ZNF75D: variants seen among roughly 807,000 people sequenced by gnomAD.
ZNF75D encodes the protein zinc finger protein 75D, also known as zinc finger protein 75.
Under a neutral mutation model 33.3 loss-of-function variants are expected in ZNF75D, and 33 were observed. The observed-to-expected ratio is 0.99, with a 90% CI of 0.75 to 1.32. ZNF75D has a LOEUF of 1.32. ZNF75D is among the 40% of genes most tolerant of loss of function. ZNF75D has a pLI of 0.00. For synonymous variants in ZNF75D, 113 were observed against 130.6 expected, an observed-to-expected ratio of 0.87 and a Z score of 0.92; for missense variants, 338 against 367.5, an observed-to-expected ratio of 0.92 and a Z score of 0.66.
intron 1 of ZNF75D, among the ~76,000 whole-genome samples, chrX:135,320,817 G>A (rs2084486055): frequency 9.0e-6 from 1 of 110,832 alleles, no homozygotes; most frequent in South Asian, 3.8e-4. Flanking sequence ...GATTTGTTTG[G>A]TTATTTTTCT....
At chrX:135,319,307 T>C (rs782057694) in intron 1 of ZNF75D, among the ~76,000 whole-genome samples, 74 of 112,000 alleles carry the variant, frequency 6.6e-4, no homozygotes, top group African/African-American at 2.1e-3. Context: ...AAAGTACTTA[T>C]GTTCTTCTAA....
At chrX:135,309,949 C>T (rs1241862025) in intron 1 of ZNF75D, among the ~76,000 whole-genome samples, 3 of 111,663 alleles carry the variant, frequency 2.7e-5, no homozygotes, top group Non-Finnish European at 5.6e-5. Context: ...TCTCCCCCAT[C>T]AATCTGAAAA....
intron 1 of ZNF75D, among the ~76,000 whole-genome samples, chrX:135,260,421 T>C (rs2083834237): frequency 1.1e-5 from 1 of 93,783 alleles, no homozygotes; most frequent in Non-Finnish European, 2.5e-5. Flanking sequence ...ATCCGTCTGG[T>C]CCTGGCCTTT....
At chrX:135,330,535 T>C (rs909681762) in intron 1 of ZNF75D, 1 of 111,943 alleles carries the variant, frequency 8.9e-6, no homozygotes, top group Non-Finnish European at 1.9e-5. Context: ...CTGAGTTTTT[T>C]ACTCGGTAGA....
chrX:135,269,268 A>T (rs2083873776), intron 1 of ZNF75D, among the ~76,000 whole-genome samples: 1 of 111,813 alleles, frequency 8.9e-6, no homozygotes, highest in South Asian at 3.7e-4. Context: ...ATCAAGTGAA[A>T]AACCTTCTGC....
Position 135,259,617 on chromosome X carries a change from T to G in ZNF75D, n.828-3840A>C, listed in dbSNP as rs782496877. Among the ~76,000 whole-genome samples the G allele has an allele frequency of 2.7e-5, 3 of 111,939 alleles. No homozygotes were observed. In the East Asian group the frequency reaches 8.4e-4, roughly 31 times the overall value. On this transcript the variant is annotated intron_variant and non_coding_transcript_variant, in intron 1 of 3. Transcript: ENST00000494295. ...TGTTTGTCTTAATGGTGTATAGGAA[T>G]GCTTGTGAGTTTTGCACATTGATTT...
At chrX:135,274,819 T>C (rs1439629756) in intron 1 of ZNF75D, among the ~76,000 whole-genome samples, 2 of 111,970 alleles carry the variant, frequency 1.8e-5, no homozygotes, top group Non-Finnish European at 3.8e-5. Flanking sequence ...GGCTGTGATA[T>C]GGTGAAATAT....
Position 135,287,612 on chromosome X carries a change from T to G in ZNF75D, c.1058A>C (p.Asp353Ala), listed in dbSNP as rs2083973468. 8.3e-7 allele frequency: 1 copy of G among 1,209,224 alleles called. No individual in the cohort carries two copies. The highest frequency in any genetic ancestry group is 2.2e-5 in the Admixed American group (1 of 45,530). The change falls in exon 7 of 7, where the codon GAT (aspartate) becomes GCT (alanine). Residue 353 changes from aspartate (D) to alanine (A), a missense_variant. Physicochemically the swap from Asp to Ala is moderately radical, Grantham distance 126. Around this residue, in one of 3 missense-constraint regions of ZNF75D, gnomAD observed 254 missense variants for 267.7 expected, o/e 0.95. Coordinates refer to ENST00000370766, the MANE Select transcript of ZNF75D (RefSeq NM_007131.5). ...CCCTGTGGGGCCTTTCCCATGAAGA[T>G]CCATAAGTTTTGGAAGCTCTTGTTT... Reference protein sequence around the residue: ...TCKQELPKLMDLHGKGPTGEK... With the variant: ...TCKQELPKLMALHGKGPTGEK...
chrX:135,340,212 G>A (rs1199512903), intron 1 of ZNF75D, among the ~76,000 whole-genome samples: 4 of 112,155 alleles, frequency 3.6e-5, no homozygotes, highest in African/African-American at 1.3e-4. Flanking sequence ...TGGAAAAACT[G>A]TTCAGTAAAC....
intron 1 of ZNF75D, among the ~76,000 whole-genome samples, chrX:135,311,835 C>T (rs1191696489): frequency 9.0e-6 from 1 of 110,804 alleles, no homozygotes; most frequent in Non-Finnish European, 1.9e-5. Flanking sequence ...CAAAATGTCC[C>T]CTAGGTCCAT....
Position 135,344,028 on chromosome X carries a change from C to G in ZNF75D, c.-2651G>C, listed in dbSNP as rs1556446543. 1 of 112,479 alleles carries G rather than the reference C, an allele frequency of 8.9e-6. No homozygotes were observed. Among genetic ancestry groups the G allele is most frequent in the Non-Finnish European group, 1.9e-5 (1 of 53,269 alleles). The allele number at this position is 112,479 out of a possible 1,213,427, so 9.3% of individuals were successfully genotyped here. A position where few individuals can be genotyped will look rare whatever the true frequency, so the allele number is the denominator to read the frequency against. On this transcript the variant is annotated 5_prime_UTR_variant, in exon 1 of 7. Coordinates refer to ENST00000370766, the MANE Select transcript of ZNF75D (RefSeq NM_007131.5). ...AGCACGGAAGTTTGGCGTCCACAGACCAATTTGTCAGCTTAGGACCAACGT... is the reference window on the plus strand; with the variant it reads ...AGCACGGAAGTTTGGCGTCCACAGAGCAATTTGTCAGCTTAGGACCAACGT...
chrX:135,293,806 T>C lies in ZNF75D; in HGVS notation c.335A>G (p.His112Arg). 8.3e-7 allele frequency: 1 copy of C among 1,208,645 alleles called. No individual in the cohort carries two copies. The highest frequency in any genetic ancestry group is 1.1e-6 in the Non-Finnish European group (1 of 892,944). Residue 112 changes from histidine (H) to arginine (R), a missense_variant, in exon 3 of 7, where the codon CAT becomes CGT. Around this residue, in one of 3 missense-constraint regions of ZNF75D, gnomAD observed 254 missense variants for 267.7 expected, o/e 0.95. Transcript: ENST00000370766. ...AGCCTGTTTGACATTCTGTGGATGATGCTTCTGCACCCAGTTCTGGGTCTC... is the reference window on the plus strand; with the variant it reads ...AGCCTGTTTGACATTCTGTGGATGACGCTTCTGCACCCAGTTCTGGGTCTC... ...PKETQNWVQK[H>R]HPQNVKQALV... is the part of the protein sequence containing the mutation.
In ZNF75D at chrX:135,294,115, T is replaced by G. The variant is rs201401715; in HGVS notation, c.26A>C (p.Asp9Ala). The G allele has an allele frequency of 8.4e-7, 1 of 1,196,953 alleles. No homozygotes were observed. Among genetic ancestry groups the G allele is most frequent in the Non-Finnish European group, 1.1e-6 (1 of 889,070 alleles). Reference protein sequence around the residue: MAMRELNADSCSSPQMGAM... With the variant: MAMRELNAASCSSPQMGAM... ...CCCCATCTGGGGGCTTGAGCATGAA[T>G]CCGCGTTCAGCTCTCTCATCGCCAT... The change falls in exon 3 of 7, where the codon GAT (aspartate) becomes GCT (alanine). Residue 9 changes from aspartate to alanine, a missense_variant. This residue lies in a region of ZNF75D where 254 missense variants were observed against 267.7 expected (regional missense o/e 0.95). Coordinates refer to ENST00000370766, the MANE Select transcript of ZNF75D (RefSeq NM_007131.5).
chrX:135,339,118 G>A (rs2084752610), intron 1 of ZNF75D, among the ~76,000 whole-genome samples: 1 of 110,799 alleles, frequency 9.0e-6, no homozygotes, highest in Non-Finnish European at 1.9e-5. Context: ...CAGCAAGGAG[G>A]ATGGGCCTGT....
At chrX:135,273,167 A>G (rs188348882) in intron 1 of ZNF75D, among the ~76,000 whole-genome samples, 10 of 111,157 alleles carry the variant, frequency 9.0e-5, no homozygotes, top group African/African-American at 2.9e-4. Context: ...CATACAGGGG[A>G]ATATCTCCCT....
rs2083961840 is a variant in ZNF75D at position 135,286,940 on chromosome X, C to T, written c.*197G>A. ...CTTTCATTTTTTTATTTATAAAGTA[C>T]TCCTTATGTATCAACTCTTGTGCTA... On this transcript the variant is annotated 3_prime_UTR_variant, in exon 7 of 7. Coordinates refer to ENST00000370766, the MANE Select transcript of ZNF75D (RefSeq NM_007131.5). 2 of 412,189 alleles carry T rather than the reference C, an allele frequency of 4.9e-6. No homozygotes were observed. The highest frequency in any genetic ancestry group is 8.3e-6 in the Non-Finnish European group (2 of 242,270). 34.0% of individuals were successfully genotyped at this position (412,189 alleles called of 1,213,427 possible).
chrX:135,287,467 C>A lies in ZNF75D; in HGVS notation c.1203G>T (p.Arg401Ser). ...KPYKCQQCDR[R>S]FRWSSDLNKH... The stretch of plus-strand genomic sequence containing the variant: ...TATTAAGATCTGAACTCCATCTAAA[C>A]CTCCTGTCACATTGTTGACATTTAT... The change falls in exon 7 of 7, where the codon AGG (arginine) becomes AGT (serine). Residue 401 changes from arginine to serine, a missense_variant. Transcript: ENST00000370766. 8.3e-7 allele frequency: 1 copy of A among 1,211,164 alleles called. No homozygotes were observed. Among genetic ancestry groups the A allele is most frequent in the African/African-American group, 1.7e-5 (1 of 57,785 alleles).
intron 6 of ZNF75D, among the ~76,000 whole-genome samples, chrX:135,289,627 GAC>G (rs60550937): frequency 0.021 from 1,828 of 88,862 alleles, 31 homozygotes; most frequent in East Asian, 0.095. Flanking sequence ...CACACACACA[GAC>G]ACACACACAC....
intron 1 of ZNF75D, among the ~76,000 whole-genome samples, chrX:135,264,204 GAGAC>G (rs1451243826): frequency 2.1e-4 from 23 of 111,765 alleles, no homozygotes; most frequent in Admixed American, 4.8e-4. Flanking sequence ...TGGAGCAGGA[GAGAC>G]AGACAGCAAA....
Sources: gnomAD v4.1 joint callset for allele counts (sites outside exome capture counted in the v4.1 genomes callset) on GRCh38, gnomAD v4.1.1 for gene constraint, gnomAD v4.1.1 regional missense constraint, MANE v1.5 for transcripts, NCBI Gene and HGNC (gene_info 2026-07-23, HGNC 2026-07-21) for gene names.